Variants in BTG4 observed in about 807,000 individuals in gnomAD.
The protein encoded by BTG4 is BTG anti-proliferation factor 4.
A neutral mutation model predicts 19.3 loss-of-function variants in BTG4; 10 were observed. The ratio of observed to expected loss-of-function variants is 0.52; its 90% confidence interval spans 0.32 to 0.88. The LOEUF is 0.88. Ranked by LOEUF, BTG4 falls within the 40% of genes least tolerant of loss-of-function variation. BTG4 has a pLI of 0.04. For synonymous variants in BTG4, 91 were observed against 95.7 expected (o/e 0.95, Z 0.29); for missense variants, 238 against 281.9 (o/e 0.84, Z 1.11).
the BTG4 span, among the ~76,000 whole-genome samples, chr11:111,442,363 T>C: frequency 6.6e-6 from 1 of 151,786 alleles, no homozygotes; most frequent in Admixed American, 6.6e-5. Context: ...TAGCCAGGCA[T>C]GGTGGTGCAC....
chr11:111,472,414 T>C (rs1864124863), intron 5 of BTG4, among the ~76,000 whole-genome samples: 1 of 152,194 alleles, frequency 6.6e-6, no homozygotes, highest in African/African-American at 2.4e-5. Flanking sequence ...TACCTGGAGA[T>C]GTTTTTGATT....
chr11:111,446,201 A>G, the BTG4 span, among the ~76,000 whole-genome samples: 2 of 152,194 alleles, frequency 1.3e-5, no homozygotes, highest in Non-Finnish European at 1.5e-5. Flanking sequence ...TGGAGCGAAC[A>G]GGCTTCAGAG....
At chr11:111,407,014 A>T in the BTG4 span, among the ~76,000 whole-genome samples, 3 of 152,142 alleles carry the variant, frequency 2.0e-5, no homozygotes, top group South Asian at 2.1e-4. Flanking sequence ...TTTGGATAAC[A>T]ATCACACTTA....
the BTG4 span, among the ~76,000 whole-genome samples, chr11:111,436,930 G>A: frequency 1.3e-5 from 2 of 152,066 alleles, no homozygotes; most frequent in African/African-American, 2.4e-5. Context: ...CCATCACCCC[G>A]CCCCACCATC....
At chr11:111,451,912 G>A in the BTG4 span, among the ~76,000 whole-genome samples, 1 of 152,168 alleles carries the variant, frequency 6.6e-6, no homozygotes, top group African/African-American at 2.4e-5. Context: ...CCCAGCATGT[G>A]CTGTGCAAGG....
chr11:111,462,798 G>A (rs942775230), downstream of BTG4: 1 of 152,650 alleles, frequency 6.6e-6, no homozygotes, highest in East Asian at 1.9e-4. Flanking sequence ...AGGAGGAGGA[G>A]ATGCGGCTGC....
chr11:111,460,524 C>G, the BTG4 span, among the ~76,000 whole-genome samples: 2 of 151,930 alleles, frequency 1.3e-5, no homozygotes, highest in Non-Finnish European at 2.9e-5. Flanking sequence ...GGGTCCCAAA[C>G]AGTGGGTGGT....
chr11:111,488,513 G>A (rs1209545521), intron 5 of BTG4, among the ~76,000 whole-genome samples: 1 of 152,196 alleles, frequency 6.6e-6, no homozygotes, highest in Admixed American at 6.5e-5. Flanking sequence ...AAAACATTGG[G>A]AACATGTTCT....
At chr11:111,494,754 C>G (rs1302747071), downstream of BTG4, 1 of 423,850 alleles carries the variant, frequency 2.4e-6, no homozygotes, top group Non-Finnish European at 3.2e-6. Context: ...TAGGGAGACC[C>G]CTTCTTTACA....
At chr11:111,413,556 G>A in the BTG4 span, among the ~76,000 whole-genome samples, 1 of 152,354 alleles carries the variant, frequency 6.6e-6, no homozygotes, top group East Asian at 1.9e-4. Context: ...TACAGATGAG[G>A]AAATTGAGGC....
At chr11:111,490,398 T>G (rs1390484021), downstream of BTG4, among the ~76,000 whole-genome samples, 2 of 152,116 alleles carry the variant, frequency 1.3e-5, no homozygotes, top group Admixed American at 6.6e-5. Context: ...CATGTGCCTC[T>G]ATCAAAACAT....
the BTG4 span, among the ~76,000 whole-genome samples, chr11:111,447,709 A>G: frequency 0.034 from 5,242 of 152,286 alleles, 292 homozygotes; most frequent in African/African-American, 0.12. Flanking sequence ...GGAGGTAGGA[A>G]AAAGAGAGTG....
chr11:111,401,107 AGTTT>A, the BTG4 span: 1 of 151,306 alleles, frequency 6.6e-6, no homozygotes, highest in East Asian at 1.9e-4. Context: ...ATCCAAATAA[AGTTT>A]GTAAGTTAGT....
intron 5 of BTG4, among the ~76,000 whole-genome samples, chr11:111,477,017 G>C (rs142930974): frequency 2.0e-5 from 3 of 152,264 alleles, no homozygotes; most frequent in African/African-American, 4.8e-5. Context: ...CAGGGCCCCT[G>C]GGAGAGGTGG....
At chr11:111,411,461 C>A in the BTG4 span, among the ~76,000 whole-genome samples, 2 of 152,208 alleles carry the variant, frequency 1.3e-5, no homozygotes. Flanking sequence ...CCAAGGCAGC[C>A]TTCCCTGGCC....
chr11:111,429,023 C>T, the BTG4 span, among the ~76,000 whole-genome samples: 1 of 152,208 alleles, frequency 6.6e-6, no homozygotes, highest in Non-Finnish European at 1.5e-5. Flanking sequence ...ATCCTCACAA[C>T]TTACTTTTCT....
chr11:111,434,704 TAA>T, the BTG4 span, among the ~76,000 whole-genome samples: 157 of 143,230 alleles, frequency 1.1e-3, no homozygotes, highest in African/African-American at 3.9e-3. Context: ...AATAATTGTT[TAA>T]AAAAAAAAAA....
chr11:111,422,799 G>A, the BTG4 span, among the ~76,000 whole-genome samples: 1 of 152,164 alleles, frequency 6.6e-6, no homozygotes, highest in Non-Finnish European at 1.5e-5. Context: ...TCCAAGTTCT[G>A]TCTTGGCCTC....
At chr11:111,438,028 C>A in the BTG4 span, among the ~76,000 whole-genome samples, 7 of 152,176 alleles carry the variant, frequency 4.6e-5, no homozygotes, top group East Asian at 1.9e-4. Context: ...TCTACACCCA[C>A]CAGGAAGTAG....
Sources: allele counts gnomAD v4.1 joint callset (sites outside exome capture counted in the v4.1 genomes callset), GRCh38; gene constraint gnomAD v4.1.1; transcripts MANE v1.5; gene names NCBI Gene and HGNC (gene_info 2026-07-23, HGNC 2026-07-21).